The following FREM3 variants were observed in gnomAD, a reference collection of about 807,000 sequenced individuals.
FREM3 encodes the protein FRAS1 related extracellular matrix 3.
FREM3 carries 105 observed loss-of-function variants against 129.1 expected under a neutral mutation model. The observed-to-expected ratio is 0.81, with a 90% CI of 0.69 to 0.96. The LOEUF is 0.96. Among genes scored for constraint, FREM3 ranks in the 40% least tolerant of loss-of-function variants. FREM3 has a pLI of 0.00. For missense variants in FREM3, 2,593 were observed against 2,666.3 expected (o/e 0.97, Z 0.61); for synonymous variants, 1,014 against 1,044.9 (o/e 0.97, Z 0.57).
chr4:143,616,392 T>A (rs1347473910), intron 5 of FREM3, among the ~76,000 whole-genome samples: 1 of 152,168 alleles, frequency 6.6e-6, no homozygotes, highest in Non-Finnish European at 1.5e-5. Context: ...CTATAACCTA[T>A]GAACACATCT....
intron 6 of FREM3, among the ~76,000 whole-genome samples, chr4:143,596,101 T>C (rs907079639): frequency 1.3e-5 from 2 of 152,072 alleles, no homozygotes; most frequent in African/African-American, 4.8e-5. Context: ...ATTGGTAGTG[T>C]GTAAGGTGAG....
rs1374514733 is a variant in FREM3 at position 143,695,742 on chromosome 4, G to T, written c.4934C>A (p.Pro1645His). 6.5e-7 allele frequency: 1 copy of T among 1,537,270 alleles called. No homozygotes were observed. The highest frequency in any genetic ancestry group is 2.0e-5 in the Admixed American group (1 of 51,006). The stretch of plus-strand genomic sequence containing the variant: ...TCTTATCTGGACCCTCATTACTTGA[G>T]GTTTGTGTGTCGCCAGGGCAGTGTC... ...LPDTALATHK[P>H]QVMRVQIRSL... Residue 1645 changes from proline (P) to histidine (H), a missense_variant, in exon 1 of 8, where the codon CCT (proline) becomes CAT (histidine). Pro to His is a moderately conservative substitution (Grantham distance 77). This residue lies in a region of FREM3 where 2,276 missense variants were observed against 2,267.2 expected (regional missense o/e 1.00). Coordinates refer to ENST00000329798, the MANE Select transcript of FREM3 (RefSeq NM_001168235.2).
At chr4:143,651,923 A>G (rs919447443) in intron 2 of FREM3, among the ~76,000 whole-genome samples, 2 of 152,142 alleles carry the variant, frequency 1.3e-5, no homozygotes, top group African/African-American at 4.8e-5. Context: ...CAATGGACTC[A>G]TTCTTGGAGC....
In FREM3 at chr4:143,697,097, C is replaced by T. The variant is rs374696465; in HGVS notation, c.3579G>A (p.Gln1193=). 276 of 1,537,646 alleles carry T rather than the reference C, an allele frequency of 1.8e-4. No individual in the cohort carries two copies. The highest frequency in any genetic ancestry group is 2.3e-4 in the Non-Finnish European group (266 of 1,147,036). Residue 1193 remains glutamine, a synonymous_variant, in exon 1 of 8, where the codon CAG becomes CAA. Coordinates refer to ENST00000329798, the MANE Select transcript of FREM3 (RefSeq NM_001168235.2). Reference sequence around the variant, plus strand: ...TAAACTCATGGGCAAAAAGTTTAGGCTGCTCATCATTGGTGGGTAGGATGA... The same window carrying T: ...TAAACTCATGGGCAAAAAGTTTAGGTTGCTCATCATTGGTGGGTAGGATGA... ...PIIILPTNDE[Q]PKLFAHEFKV...
chr4:143,671,242 AGATTAT>A (rs1348229804), intron 2 of FREM3, among the ~76,000 whole-genome samples: 1 of 152,190 alleles, frequency 6.6e-6, no homozygotes, highest in African/African-American at 2.4e-5. Context: ...ATTCCAACAT[AGATTAT>A]GATTAGGAGT....
intron 6 of FREM3, 40 bp downstream of exon 6, chr4:143,611,239 C>T: frequency 1.3e-6 from 2 of 1,511,290 alleles, no homozygotes; most frequent in African/African-American, 1.4e-5. Context: ...TGTGAGAAGG[C>T]AGCTATTGCC....
chr4:143,652,223 C>T lies in FREM3; in HGVS notation c.5276-24463G>A, dbSNP rs1490318890. Among the ~76,000 whole-genome samples the T allele has an allele frequency of 8.6e-5, 3 of 34,776 alleles. 1 individual carries two copies. The highest frequency in any genetic ancestry group is 1.6e-4 in the Non-Finnish European group (2 of 12,876). The allele number at this position is 34,776 out of a possible 152,430, so 22.8% of individuals were successfully genotyped here. ...CAGGCCGGACTGCGGACTGCAGTGG[C>T]GCAATCTCGGCTCACTGCAAGCTCC... On this transcript the variant is annotated intron_variant, in intron 2 of 7. Coordinates refer to ENST00000329798, the MANE Select transcript of FREM3 (RefSeq NM_001168235.2).
At chr4:143,620,094 T>C (rs1350840286) in intron 5 of FREM3, among the ~76,000 whole-genome samples, 3 of 152,176 alleles carry the variant, frequency 2.0e-5, no homozygotes, top group African/African-American at 4.8e-5. Context: ...AGCAATCAAA[T>C]GGTCAAGACT....
intron 6 of FREM3, among the ~76,000 whole-genome samples, chr4:143,587,805 C>T (rs938901735): frequency 6.6e-6 from 1 of 152,154 alleles, no homozygotes; most frequent in African/African-American, 2.4e-5. Context: ...ATCTGCAGTT[C>T]TCTTGATGAG....
chr4:143,642,065 A>G (rs1739329160), intron 2 of FREM3, among the ~76,000 whole-genome samples: 1 of 152,184 alleles, frequency 6.6e-6, no homozygotes, highest in Admixed American at 6.5e-5. Context: ...TTCAAAAACC[A>G]TTTATAATAC....
chr4:143,687,385 C>T (rs1740389095), intron 2 of FREM3, among the ~76,000 whole-genome samples: 1 of 151,620 alleles, frequency 6.6e-6, no homozygotes, highest in Non-Finnish European at 1.5e-5. Context: ...ACGACAATAA[C>T]AAAAAATCCA....
intron 6 of FREM3, among the ~76,000 whole-genome samples, chr4:143,603,141 G>A (rs1738602289): frequency 6.6e-6 from 1 of 152,126 alleles, no homozygotes; most frequent in African/African-American, 2.4e-5. Flanking sequence ...CATATATCAT[G>A]TCTCTTGTGG....
chr4:143,670,533 CA>C (rs1739947550), intron 2 of FREM3, among the ~76,000 whole-genome samples: 1 of 151,976 alleles, frequency 6.6e-6, no homozygotes, highest in African/African-American at 2.4e-5. Context: ...ATAAAGCAAA[CA>C]AAAACAGCTT....
intron 7 of FREM3, among the ~76,000 whole-genome samples, chr4:143,581,712 C>T (rs1043312989): frequency 3.3e-5 from 5 of 152,068 alleles, no homozygotes; most frequent in Non-Finnish European, 7.4e-5. Context: ...CCTGTGAGAC[C>T]CCAACCCCCT....
intron 6 of FREM3, among the ~76,000 whole-genome samples, chr4:143,600,153 T>TA (rs1398267150): frequency 6.6e-6 from 1 of 152,096 alleles, no homozygotes; most frequent in East Asian, 1.9e-4. Context: ...GTGGCTAGCA[T>TA]AAAAAGGAAC....
chr4:143,626,911 T>C (rs1261997854), intron 3 of FREM3, among the ~76,000 whole-genome samples: 2 of 152,162 alleles, frequency 1.3e-5, no homozygotes, highest in Admixed American at 1.3e-4. Flanking sequence ...ATGAAGACAA[T>C]ATAACCCTAT....
At chr4:143,614,312 T>G (rs930675692) in intron 5 of FREM3, among the ~76,000 whole-genome samples, 3 of 152,216 alleles carry the variant, frequency 2.0e-5, no homozygotes, top group Admixed American at 2.0e-4. Flanking sequence ...AATACTGACA[T>G]TCATTTAAGT....
intron 2 of FREM3, among the ~76,000 whole-genome samples, chr4:143,658,403 A>G (rs1362902309): frequency 1.3e-5 from 2 of 152,206 alleles, no homozygotes; most frequent in Admixed American, 6.5e-5. Flanking sequence ...ACCATGATCT[A>G]GTGCCAACTG....
chr4:143,620,925 G>T, intron 5 of FREM3, 112 bp downstream of exon 5: 2 of 1,045,660 alleles, frequency 1.9e-6, no homozygotes, highest in Non-Finnish European at 1.4e-6. Context: ...AGGGGCCCAG[G>T]CATCCAGCAT....
Sources: gnomAD v4.1 joint callset for allele counts (sites outside exome capture counted in the v4.1 genomes callset) on GRCh38, gnomAD v4.1.1 for gene constraint, gnomAD v4.1.1 regional missense constraint, MANE v1.5 for transcripts, NCBI Gene and HGNC (gene_info 2026-07-23, HGNC 2026-07-21) for gene names.